LIPN: variants seen among roughly 807,000 people sequenced by gnomAD.
The protein encoded by LIPN is lipase family member N, also known as lipase member N.
In LIPN, 32 loss-of-function variants were observed where a neutral mutation model predicts 43.7. The ratio of observed to expected loss-of-function variants is 0.73; its 90% CI spans 0.55 to 0.98. The LOEUF (loss-of-function observed/expected upper bound fraction) is 0.98. LIPN is among the 50% of genes least tolerant of loss of function. The pLI is 0.00. For missense variants in LIPN, 505 were observed against 483.8 expected (o/e 1.04, Z -0.41); for synonymous variants, 156 against 157.6 (o/e 0.99, Z 0.08).
At position 88,778,852 on chromosome 10, in the gene LIPN, G is replaced by A. The variant is rs930700762; in HGVS notation, c.*610G>A. Among the ~76,000 whole-genome samples, 4 of 152,160 alleles carry A rather than the reference G, an allele frequency of 2.6e-5. No individual in the cohort carries two copies. Among genetic ancestry groups the A allele is most frequent in the Non-Finnish European group, 5.9e-5 (4 of 68,024 alleles). On this transcript the variant is annotated 3_prime_UTR_variant, in exon 10 of 10. Transcript: ENST00000404459. ...ATCTTGAACCCATAATAGGATACAT[G>A]TATAAAATCTTCCTTATTAAAGCAG...
intron 5 of LIPN, 48 bp from the exon 6 acceptor site, chr10:88,768,744 G>A (rs1369441622): frequency 1.9e-6 from 3 of 1,565,192 alleles, no homozygotes; most frequent in Non-Finnish European, 2.6e-6. Context: ...TAGAAACACT[G>A]CGTAAGTATT....
At chr10:88,757,527 A>G (rs928936545), upstream of LIPN, among the ~76,000 whole-genome samples, 16 of 152,148 alleles carry the variant, frequency 1.1e-4, no homozygotes, top group African/African-American at 3.4e-4. Context: ...ATTTTAGTTA[A>G]CTATGATTGA....
At chr10:88,774,264 T>G (rs1843257998) in intron 7 of LIPN, among the ~76,000 whole-genome samples, 1 of 152,038 alleles carries the variant, frequency 6.6e-6, no homozygotes, top group Admixed American at 6.6e-5. Flanking sequence ...CTGGTACAGG[T>G]GTGCTGTCAA....
rs988271363 is a variant in LIPN, at chr10:88,779,147, T to C, written c.*905T>C. Among the ~76,000 whole-genome samples, 1 of 152,214 alleles carries C rather than the reference T, an allele frequency of 6.6e-6. No individual in the cohort carries two copies. The highest frequency in any genetic ancestry group is 1.5e-5 in the Non-Finnish European group (1 of 68,036). On this transcript the variant is annotated 3_prime_UTR_variant, in exon 10 of 10. Coordinates refer to ENST00000404459, the MANE Select transcript of LIPN (RefSeq NM_001102469.2). ...AATATTTTACCTAATGGAAACCTGA[T>C]TGCCGCATTTTTGTAACCACCACTT...
chr10:88,764,604 T>C lies in LIPN; in HGVS notation c.421T>C (p.Phe141Leu). The C allele has an allele frequency of 3.1e-6, 5 of 1,591,628 alleles. No individual in the cohort carries two copies. The African/African-American group carries it at 6.7e-5, about 21-fold the overall frequency. ...LSETDEKFWA[F>L]SFDEMAKYDL... Reference sequence around the variant, plus strand: ...AGAGACAGATGAGAAATTCTGGGCCTTTAGGTAAATATTAGCTAAGAAAAC... The same window carrying C: ...AGAGACAGATGAGAAATTCTGGGCCCTTAGGTAAATATTAGCTAAGAAAAC... The change falls in exon 4 of 10, where the codon TTT becomes CTT. Residue 141 changes from phenylalanine (F) to leucine (L), a missense_variant. Coordinates refer to ENST00000404459, the MANE Select transcript of LIPN (RefSeq NM_001102469.2).
chr10:88,764,522 T>C lies in LIPN; in HGVS notation c.339T>C (p.Asp113=). Residue 113 remains aspartate (D), a synonymous_variant, in exon 4 of 10, where the codon GAT becomes GAC. Transcript: ENST00000404459. Reference sequence around the variant, plus strand: ...TCCTTCTAGCAGATGCAGGTTATGATGTATGGATGGGAAACAGTCGGGGAA... The same window carrying C: ...TCCTTCTAGCAGATGCAGGTTATGACGTATGGATGGGAAACAGTCGGGGAA... ...LGFLLADAGY[D]VWMGNSRGNT... is the part of the protein sequence containing the mutation. The C allele has an allele frequency of 1.2e-6, 2 of 1,612,254 alleles. No homozygotes were observed. Among genetic ancestry groups the C allele is most frequent in the Non-Finnish European group, 1.7e-6 (2 of 1,178,938 alleles).
intron 5 of LIPN, among the ~76,000 whole-genome samples, chr10:88,768,002 A>G (rs1028895843): frequency 1.4e-5 from 2 of 143,552 alleles, no homozygotes; most frequent in African/African-American, 2.6e-5. Context: ...TAATGTTCCA[A>G]CAAGTGTTTC....
Position 88,768,818 on chromosome 10 carries a change from G to T in LIPN, c.562G>T (p.Glu188Ter). ...IGFVAFSTMP[E>*]LAQRIKMNFA... The stretch of plus-strand genomic sequence containing the variant: ...GTTTGTAGCCTTTTCCACCATGCCT[G>T]AACTGGCACAAAGAATCAAAATGAA... Residue 188 changes from glutamate to a stop codon, truncating the protein, a stop_gained, in exon 6 of 10, where the codon GAA (glutamate) becomes TAA (stop). Coordinates refer to ENST00000404459, the MANE Select transcript of LIPN (RefSeq NM_001102469.2). LOFTEE classifies it high-confidence loss of function. 1 of 1,611,374 alleles carries T rather than the reference G, an allele frequency of 6.2e-7. No homozygotes were observed. The highest frequency in any genetic ancestry group is 8.5e-7 in the Non-Finnish European group (1 of 1,178,364).
chr10:88,768,159 T>A (rs1348896942), intron 5 of LIPN, among the ~76,000 whole-genome samples: 1 of 151,536 alleles, frequency 6.6e-6, no homozygotes, highest in Non-Finnish European at 1.5e-5. Flanking sequence ...TCCTCACAGA[T>A]ATACAAAGGG....
chr10:88,761,342 A>G, intron 1 of LIPN, 56 bp from the exon 2 acceptor site: 1 of 1,002,452 alleles, frequency 1.0e-6, no homozygotes, highest in Admixed American at 1.7e-5. Flanking sequence ...ATTTTATTTC[A>G]TTAATCAACA....
intron 9 of LIPN, among the ~76,000 whole-genome samples, chr10:88,775,398 A>G (rs1843281698): frequency 1.3e-5 from 2 of 151,990 alleles, no homozygotes; most frequent in Non-Finnish European, 2.9e-5. Flanking sequence ...AACTAGATGT[A>G]CTAACATTTT....
chr10:88,760,129 C>G (rs1282789369), intron 1 of LIPN, among the ~76,000 whole-genome samples, 23 bp downstream of exon 1: 3 of 151,992 alleles, frequency 2.0e-5, no homozygotes, highest in African/African-American at 7.2e-5. Context: ...TCTATCATAA[C>G]CAGGAGGCAG....
At position 88,775,126 on chromosome 10, in the gene LIPN, GGGGAAATGACGCTGA is replaced by G. The variant is rs1202482574; in HGVS notation, c.927_941del (p.Trp309_Asp314delinsCys). 1 of 1,546,230 alleles carries G rather than the reference GGGGAAATGACGCTGA, an allele frequency of 6.5e-7. No individual in the cohort carries two copies. Among genetic ancestry groups the G allele is most frequent in the African/African-American group, 1.4e-5 (1 of 72,706 alleles). ...TCTGATGAATTCAGAGCTTATGACT[GGGGAAATGACGCTGA>G]TAATATGAAACATTACAATCAGGTG... On this transcript the variant is annotated inframe_deletion, in exon 9 of 10. Coordinates refer to ENST00000404459, the MANE Select transcript of LIPN (RefSeq NM_001102469.2).
At chr10:88,758,109 G>T (rs1044775719), upstream of LIPN, among the ~76,000 whole-genome samples, 9 of 152,128 alleles carry the variant, frequency 5.9e-5, no homozygotes, top group Admixed American at 5.2e-4. Flanking sequence ...CAAACAAAAA[G>T]ATAACCACAC....
chr10:88,761,870 C>T (rs1843007184), intron 2 of LIPN, among the ~76,000 whole-genome samples: 1 of 151,784 alleles, frequency 6.6e-6, no homozygotes, highest in South Asian at 2.1e-4. Context: ...TACATGATTG[C>T]CTTCTATTGA....
chr10:88,762,077 C>A, intron 2 of LIPN, 111 bp from the exon 3 acceptor site: 1 of 513,434 alleles, frequency 1.9e-6, no homozygotes, highest in Non-Finnish European at 3.5e-6. Context: ...TTACCTGGTG[C>A]TACAAATTTC....
chr10:88,773,989 A>T (rs188150226), intron 7 of LIPN, among the ~76,000 whole-genome samples: 1 of 152,098 alleles, frequency 6.6e-6, no homozygotes, highest in East Asian at 1.9e-4. Context: ...TGGTACTATG[A>T]CTTTTAGTAT....
chr10:88,775,092 C>G lies in LIPN; in HGVS notation c.892C>G (p.Leu298Val), dbSNP rs1843274792. The G allele has an allele frequency of 6.5e-7, 1 of 1,533,186 alleles. No homozygotes were observed. Among genetic ancestry groups the G allele is most frequent in the Non-Finnish European group, 8.8e-7 (1 of 1,134,926 alleles). 95.0% of individuals were successfully genotyped at this position (1,533,186 alleles called of 1,614,324 possible). ...SVHNILHIKQLYHSDEFRAYD... is the reference protein window; with the variant it reads ...SVHNILHIKQVYHSDEFRAYD... ...TTTTTCTAAAAAACATTTGTTTCAG[C>G]TTTACCACTCTGATGAATTCAGAGC... is the stretch of plus-strand genomic sequence containing the variant. The change falls in exon 9 of 10, where the codon CTT becomes GTT. Residue 298 changes from leucine to valine, a missense_variant and splice_region_variant. By Grantham distance (32) the Leu-to-Val change is conservative (BLOSUM62 1). Coordinates refer to ENST00000404459, the MANE Select transcript of LIPN (RefSeq NM_001102469.2).
rs555152135 is a variant in LIPN, at chr10:88,760,856, AC to A, written c.-8-540del. ...TACCTTTGAATAGACATACTTTTAA[AC>A]CATGGCAAGGAAGTGAGACTGCACA... On this transcript the variant is annotated intron_variant, in intron 1 of 9. Coordinates refer to ENST00000404459, the MANE Select transcript of LIPN (RefSeq NM_001102469.2). Among the ~76,000 whole-genome samples the A allele has an allele frequency of 2.0e-5, 3 of 152,278 alleles. No individual in the cohort carries two copies. In the South Asian group the frequency reaches 6.2e-4, roughly 32 times the overall value.
Sources: allele counts gnomAD v4.1 joint callset (sites outside exome capture counted in the v4.1 genomes callset), GRCh38; gene constraint gnomAD v4.1.1; transcripts MANE v1.5; gene names NCBI Gene and HGNC (gene_info 2026-07-23, HGNC 2026-07-21).